Variants in XKR4 observed in about 807,000 individuals in gnomAD.
XKR4 encodes the protein XK related 4.
A neutral mutation model predicts 53.9 loss-of-function variants in XKR4; 12 were observed. That is an observed-to-expected ratio of 0.22 (90% CI 0.14 to 0.36). The LOEUF (loss-of-function observed/expected upper bound fraction) is 0.36. Among genes scored for constraint, XKR4 ranks in the 10% least tolerant of loss-of-function variants. The pLI, the probability that XKR4 is intolerant of heterozygous loss-of-function variation, is 1.00. For missense variants in XKR4, 799 were observed against 859.5 expected (o/e 0.93, Z 0.88); for synonymous variants, 354 against 362.4 (o/e 0.98, Z 0.26).
At chr8:55,163,355 G>A (rs567074406) in intron 1 of XKR4, among the ~76,000 whole-genome samples, 1 of 152,292 alleles carries the variant, frequency 6.6e-6, no homozygotes, top group Non-Finnish European at 1.5e-5. Context: ...GAGGCCCTGT[G>A]GGCCTGAGAG....
intron 1 of XKR4, among the ~76,000 whole-genome samples, chr8:55,254,341 A>G (rs1818405611): frequency 6.6e-6 from 1 of 152,104 alleles, no homozygotes; most frequent in African/African-American, 2.4e-5. Flanking sequence ...TTCCAAGCAA[A>G]TAATCACTGT....
intron 2 of XKR4, chr8:55,450,386 G>A (rs919391087): frequency 3.3e-6 from 2 of 610,096 alleles, no homozygotes; most frequent in Non-Finnish European, 2.9e-6. Context: ...GTGTCCTCGG[G>A]TGCATTCATG....
At chr8:55,227,669 G>C (rs1288083708) in intron 1 of XKR4, among the ~76,000 whole-genome samples, 1 of 152,216 alleles carries the variant, frequency 6.6e-6, no homozygotes, top group Non-Finnish European at 1.5e-5. Flanking sequence ...GGGACAGTTG[G>C]GTGACACTTC....
At chr8:55,290,350 G>A (rs1206204355) in intron 1 of XKR4, among the ~76,000 whole-genome samples, 3 of 151,940 alleles carry the variant, frequency 2.0e-5, no homozygotes, top group Admixed American at 6.6e-5. Flanking sequence ...AGCTGGTCTC[G>A]AACTCCTGAG....
intron 2 of XKR4, among the ~76,000 whole-genome samples, chr8:55,372,012 C>T (rs1463418123): frequency 1.3e-5 from 2 of 152,202 alleles, no homozygotes; most frequent in Non-Finnish European, 2.9e-5. Flanking sequence ...CCTCTCCTTC[C>T]CTCTGAGGTG....
At chr8:55,194,020 G>T (rs1817475650) in intron 1 of XKR4, among the ~76,000 whole-genome samples, 1 of 152,182 alleles carries the variant, frequency 6.6e-6, no homozygotes, top group Admixed American at 6.5e-5. Context: ...AAACCACAGA[G>T]CTCCCTGCCT....
chr8:55,378,957 T>G (rs551134585), intron 2 of XKR4, among the ~76,000 whole-genome samples: 176 of 152,356 alleles, frequency 1.2e-3, no homozygotes, highest in Non-Finnish European at 2.0e-3. Context: ...CTTTTCTTCA[T>G]GTAAAAACAA....
intron 1 of XKR4, among the ~76,000 whole-genome samples, chr8:55,224,312 GTC>G (rs1817923863): frequency 6.6e-6 from 1 of 152,104 alleles, no homozygotes; most frequent in Admixed American, 6.5e-5. Context: ...ATGGATAATT[GTC>G]AAACAATATA....
chr8:55,378,623 T>C (rs1037729454), intron 2 of XKR4, among the ~76,000 whole-genome samples: 16 of 152,198 alleles, frequency 1.1e-4, no homozygotes, highest in African/African-American at 3.9e-4. Flanking sequence ...TGGAAGGGCA[T>C]TTTATTCTGT....
intron 2 of XKR4, among the ~76,000 whole-genome samples, chr8:55,404,317 G>C (rs919444614): frequency 2.0e-5 from 3 of 152,174 alleles, no homozygotes; most frequent in Non-Finnish European, 2.9e-5. Context: ...ATGACACATA[G>C]AGTCACTGAA....
At chr8:55,478,174 G>A (rs1267198506) in intron 2 of XKR4, among the ~76,000 whole-genome samples, 1 of 152,096 alleles carries the variant, frequency 6.6e-6, no homozygotes, top group Non-Finnish European at 1.5e-5. Context: ...CCCAAAAAGG[G>A]AAGCCCATCA....
chr8:55,525,385 T>A lies in XKR4; in HGVS notation c.*1158T>A, dbSNP rs1806868909. On this transcript the variant is annotated 3_prime_UTR_variant, in exon 3 of 3. Coordinates refer to ENST00000327381, the MANE Select transcript of XKR4 (RefSeq NM_052898.2). The stretch of plus-strand genomic sequence containing the variant: ...GTGTACAGACTTTTCCTCCCCCCAA[T>A]CCAAGGTCAAAGTGATGTGTCTTTT... 1.3e-5 allele frequency: 2 copies of A among 152,580 alleles called. No individual in the cohort carries two copies. The highest frequency in any genetic ancestry group is 4.2e-4 in the South Asian group (2 of 4,816). The allele number at this position is 152,580 out of a possible 1,614,324, so 9.5% of individuals were successfully genotyped here.
At chr8:55,110,316 T>A (rs1011316875) in intron 1 of XKR4, among the ~76,000 whole-genome samples, 1 of 152,160 alleles carries the variant, frequency 6.6e-6, no homozygotes, top group Admixed American at 6.5e-5. Context: ...CATGATGGTG[T>A]CCTTGGTAAG....
intron 1 of XKR4, among the ~76,000 whole-genome samples, chr8:55,334,453 A>C (rs749117937): frequency 6.6e-6 from 1 of 152,094 alleles, no homozygotes; most frequent in Non-Finnish European, 1.5e-5. Context: ...AGGATCACCA[A>C]ATTCTTGATT....
intron 1 of XKR4, among the ~76,000 whole-genome samples, chr8:55,106,940 A>G (rs902052476): frequency 6.6e-6 from 1 of 152,158 alleles, no homozygotes; most frequent in Non-Finnish European, 1.5e-5. Flanking sequence ...AAAATGACAG[A>G]TTAAACAAAG....
intron 2 of XKR4, among the ~76,000 whole-genome samples, chr8:55,460,821 C>T (rs1805644966): frequency 6.6e-6 from 1 of 152,356 alleles, no homozygotes; most frequent in African/African-American, 2.4e-5. Flanking sequence ...AAACGGCACA[C>T]CAGGAAATTA....
intron 1 of XKR4, among the ~76,000 whole-genome samples, chr8:55,313,137 T>C (rs1819411327): frequency 6.6e-6 from 1 of 152,196 alleles, no homozygotes; most frequent in Admixed American, 6.5e-5. Context: ...AAAAGTGTTA[T>C]TATTATGCAT....
intron 1 of XKR4, among the ~76,000 whole-genome samples, chr8:55,273,604 A>G (rs1818723556): frequency 6.6e-6 from 1 of 152,150 alleles, no homozygotes; most frequent in African/African-American, 2.4e-5. Context: ...AGCTGGCTCC[A>G]CTCAGATCAA....
chr8:55,396,399 G>GTTTTTTTTTTTTTTTTTTTT (rs71256534), intron 2 of XKR4, among the ~76,000 whole-genome samples: 14 of 88,740 alleles, frequency 1.6e-4, no homozygotes, highest in Admixed American at 2.9e-4. Context: ...TTTTTGTTTG[G>GTTTTTTTTTTTTTTTTTTTT]TTTTTTTTTT....
Sources: gnomAD v4.1 joint callset for allele counts (sites outside exome capture counted in the v4.1 genomes callset) on GRCh38, gnomAD v4.1.1 for gene constraint, MANE v1.5 for transcripts, NCBI Gene and HGNC (gene_info 2026-07-23, HGNC 2026-07-21) for gene names.